ARFGEF1: variants seen among roughly 807,000 people sequenced by gnomAD.
ARFGEF1 encodes ARF guanine nucleotide exchange factor 1, also known as brefeldin A-inhibited guanine nucleotide-exchange protein 1.
In ARFGEF1, 42 loss-of-function variants were observed where a neutral mutation model predicts 231.0. That is an observed-to-expected ratio of 0.18 (90% CI 0.14 to 0.24). The LOEUF is 0.24. Among genes scored for constraint, ARFGEF1 ranks in the 10% least tolerant of loss-of-function variants. The pLI is 1.00. For synonymous variants in ARFGEF1, 710 were observed against 732.3 expected (o/e 0.97, Z 0.49); for missense variants, 1,345 against 2,192.0 (o/e 0.61, Z 7.72).
Position 67,236,389 on chromosome 8 carries a change from T to A in ARFGEF1, c.3289+1954A>T, listed in dbSNP as rs866431833. Reference sequence around the variant, plus strand: ...AAATATATATATATATATATATATATATATATATATATATATATATATGTA... The same window carrying A: ...AAATATATATATATATATATATATAAATATATATATATATATATATATGTA... On this transcript the variant is annotated intron_variant, in intron 22 of 38. Coordinates refer to ENST00000262215, the MANE Select transcript of ARFGEF1 (RefSeq NM_006421.5). 2.4e-3 allele frequency among the ~76,000 whole-genome samples: 223 copies of A among 91,160 alleles called. 9 individuals carry two copies. The highest frequency in any genetic ancestry group is 4.1e-3 in the South Asian group (8 of 1,928). The allele number at this position is 91,160 out of a possible 152,430, so 59.8% of individuals were successfully genotyped here. A position where few individuals can be genotyped will look rare whatever the true frequency, so the allele number is the denominator to read the frequency against.
rs1210313698 is a variant in ARFGEF1 at position 67,217,913 on chromosome 8, C to T, written c.4482G>A (p.Glu1494=). ...QLYWCVQQDN[E]QLARSGTNCL... ...AGTTTGTACCAGATCGCGCTAACTG[C>T]TCATTGTCTAGGAAAGAAAAGAGCA... The change falls in exon 32 of 39, where the codon GAG becomes GAA. Residue 1494 remains glutamate, a synonymous_variant. Coordinates refer to ENST00000262215, the MANE Select transcript of ARFGEF1 (RefSeq NM_006421.5). 2.5e-6 allele frequency: 4 copies of T among 1,613,558 alleles called. No homozygotes were observed. The highest frequency in any genetic ancestry group is 3.4e-6 in the Non-Finnish European group (4 of 1,179,788).
chr8:67,221,720 C>T (rs1413630430), intron 29 of ARFGEF1, among the ~76,000 whole-genome samples: 1 of 152,106 alleles, frequency 6.6e-6, no homozygotes, highest in African/African-American at 2.4e-5. Flanking sequence ...CATTCACTCA[C>T]CACTCACTCA....
chr8:67,193,698 A>G, downstream of ARFGEF1: 1 of 1,113,388 alleles, frequency 9.0e-7, no homozygotes, highest in Non-Finnish European at 1.3e-6. Context: ...GGATAGATGG[A>G]ATGAGTTTGA....
At chr8:67,313,026 A>G (rs939394265) in intron 1 of ARFGEF1, among the ~76,000 whole-genome samples, 3 of 152,230 alleles carry the variant, frequency 2.0e-5, no homozygotes, top group African/African-American at 7.2e-5. Flanking sequence ...AACAACAGAA[A>G]GCAAAAGTAA....
intron 23 of ARFGEF1, among the ~76,000 whole-genome samples, chr8:67,230,062 G>T (rs980723402): frequency 2.0e-5 from 3 of 151,958 alleles, no homozygotes; most frequent in Admixed American, 6.6e-5. Context: ...CATCCATTCT[G>T]AGAAAGGGCA....
chr8:67,259,653 G>A (rs1006980478), intron 15 of ARFGEF1, among the ~76,000 whole-genome samples, 162 bp downstream of exon 15: 1 of 152,152 alleles, frequency 6.6e-6, no homozygotes, highest in African/African-American at 2.4e-5. Context: ...GGTGGCTCAC[G>A]CCTGTAATCC....
chr8:67,290,573 C>T (rs1409391946), intron 6 of ARFGEF1, among the ~76,000 whole-genome samples: 3 of 152,200 alleles, frequency 2.0e-5, no homozygotes, highest in Non-Finnish European at 4.4e-5. Flanking sequence ...GTGGCTGTAT[C>T]TCCATCATCT....
In ARFGEF1 at chr8:67,217,646, A is replaced by G. The variant is rs1043813654; in HGVS notation, c.4613+136T>C. ...TTTGGTTTGTAATAAATCTAAATCC[A>G]TGTAAGAGTAAGACAAGCTTAAAAG... On this transcript the variant is annotated intron_variant, in intron 32 of 38. Coordinates refer to ENST00000262215, the MANE Select transcript of ARFGEF1 (RefSeq NM_006421.5). 8.7e-6 allele frequency: 8 copies of G among 916,338 alleles called. 1 individual carries two copies. The East Asian group carries it at 1.8e-4, about 21-fold the overall frequency. The allele number at this position is 916,338 out of a possible 1,614,324, so 56.8% of individuals were successfully genotyped here.
In ARFGEF1 at chr8:67,267,461, TTC is replaced by T. The variant is rs763062170; in HGVS notation, c.1573-21_1573-20del. On this transcript the variant is annotated intron_variant, in intron 10 of 38. Coordinates refer to ENST00000262215, the MANE Select transcript of ARFGEF1 (RefSeq NM_006421.5). ...AGAACACCTGTGATTAGGAGAAAAC[TTC>T]TGTTTAAAATATTGTTTAGAATTCA... The T allele has an allele frequency of 2.1e-6, 3 of 1,459,930 alleles. No individual in the cohort carries two copies. The highest frequency in any genetic ancestry group is 4.0e-4 in the Middle Eastern group (2 of 5,026). 90.4% of individuals were successfully genotyped at this position (1,459,930 alleles called of 1,614,324 possible).
downstream of ARFGEF1, chr8:67,175,215 A>C: frequency 1.0e-6 from 1 of 999,292 alleles, no homozygotes; most frequent in Admixed American, 2.2e-5. Flanking sequence ...TAGGTTACTC[A>C]TGTTACTTAC....
chr8:67,245,880 G>C (rs896735420), intron 19 of ARFGEF1, among the ~76,000 whole-genome samples: 1 of 150,268 alleles, frequency 6.7e-6, no homozygotes, highest in Non-Finnish European at 1.5e-5. Context: ...GATACAAACC[G>C]ACTGAAAATA....
At chr8:67,200,632 C>G in intron 37 of ARFGEF1, 119 bp from the exon 38 acceptor site, 1 of 679,360 alleles carries the variant, frequency 1.5e-6, no homozygotes, top group Non-Finnish European at 2.6e-6. Context: ...CATGTTAGAT[C>G]CCATCTGTTT....
chr8:67,252,996 C>A (rs1457417218), intron 18 of ARFGEF1, among the ~76,000 whole-genome samples: 2 of 151,828 alleles, frequency 1.3e-5, no homozygotes, highest in Admixed American at 1.3e-4. Flanking sequence ...TTATGACCTC[C>A]AAATCCCTGC....
At chr8:67,195,829 T>C, downstream of ARFGEF1, 1 of 476,616 alleles carries the variant, frequency 2.1e-6, no homozygotes, top group Non-Finnish European at 3.8e-6. Context: ...TAAATTAGGG[T>C]GGTAATGAAC....
intron 4 of ARFGEF1, among the ~76,000 whole-genome samples, chr8:67,298,026 G>C (rs987063072): frequency 1.3e-5 from 2 of 151,830 alleles, no homozygotes; most frequent in African/African-American, 4.8e-5. Context: ...GGCTGGTCTC[G>C]AACTTCTGGG....
At chr8:67,310,753 C>T (rs1311750822) in intron 1 of ARFGEF1, among the ~76,000 whole-genome samples, 126 of 151,974 alleles carry the variant, frequency 8.3e-4, no homozygotes, top group African/African-American at 2.9e-3. Flanking sequence ...GCCGCGACCC[C>T]GTCTGGGAGG....
intron 1 of ARFGEF1, among the ~76,000 whole-genome samples, chr8:67,328,244 C>G (rs1392102174): frequency 6.6e-6 from 1 of 152,030 alleles, no homozygotes; most frequent in Non-Finnish European, 1.5e-5. Flanking sequence ...CTTAAATAGC[C>G]ATGGGTGCTA....
chr8:67,281,562 A>T lies in ARFGEF1; in HGVS notation c.1028-4105T>A, dbSNP rs75780789. Among the ~76,000 whole-genome samples the T allele has an allele frequency of 6.9e-3, 1,050 of 152,248 alleles. 14 individuals carry two copies. The highest frequency in any genetic ancestry group is 0.024 in the African/African-American group (987 of 41,558). ...AAAATGAATATCCTTGCCATCATTA[A>T]CACTATTCAACATTTTCTGGAGCTT... On this transcript the variant is annotated intron_variant, in intron 7 of 38. Coordinates refer to ENST00000262215, the MANE Select transcript of ARFGEF1 (RefSeq NM_006421.5).
intron 14 of ARFGEF1, among the ~76,000 whole-genome samples, chr8:67,263,616 T>A (rs1285060903): frequency 6.6e-6 from 1 of 152,160 alleles, no homozygotes; most frequent in Non-Finnish European, 1.5e-5. Context: ...CACATGCCAT[T>A]CTCTTAGTCT....
Sources: allele counts gnomAD v4.1 joint callset (sites outside exome capture counted in the v4.1 genomes callset), GRCh38; gene constraint gnomAD v4.1.1; transcripts MANE v1.5; gene names NCBI Gene and HGNC (gene_info 2026-07-23, HGNC 2026-07-21).